The following SMAD6 variants were observed in gnomAD, a reference collection of about 807,000 sequenced individuals.
The protein encoded by SMAD6 is SMAD family member 6, also known as MAD homolog 6.
In SMAD6, 103 loss-of-function variants were observed where a neutral mutation model predicts 39.4. The ratio of observed to expected loss-of-function variants is 2.62; its 90% CI spans 2.23 to 3.08. The LOEUF (loss-of-function observed/expected upper bound fraction) is 3.08. SMAD6 is among the 30% of genes most tolerant of loss of function. SMAD6 has a pLI of 0.00. For missense variants in SMAD6, 1,104 were observed against 742.9 expected (o/e 1.49, Z -5.65); for synonymous variants, 445 against 353.3 (o/e 1.26, Z -2.91).
chr15:66,723,257 A>G (rs1324775399), intron 3 of SMAD6, among the ~76,000 whole-genome samples: 1 of 152,242 alleles, frequency 6.6e-6, no homozygotes, highest in Non-Finnish European at 1.5e-5. Flanking sequence ...TGCAAAGTCC[A>G]GAGAGGGCAA....
intron 3 of SMAD6, among the ~76,000 whole-genome samples, chr15:66,749,557 G>A (rs892009702): frequency 1.4e-4 from 22 of 152,300 alleles, no homozygotes; most frequent in African/African-American, 4.8e-4. Context: ...GTTGGAGGCT[G>A]CAGTGAGACA....
chr15:66,773,210 G>A (rs572299276), intron 3 of SMAD6, among the ~76,000 whole-genome samples: 8 of 152,014 alleles, frequency 5.3e-5, no homozygotes, highest in Non-Finnish European at 1.2e-4. Flanking sequence ...GAGCTGAGGT[G>A]GGGGGTGGGG....
chr15:66,756,240 A>G (rs71398281), intron 3 of SMAD6, among the ~76,000 whole-genome samples: 36,040 of 151,784 alleles, frequency 0.24, 4,336 homozygotes, highest in Middle Eastern at 0.29. Flanking sequence ...GCCCTTTAAA[A>G]AAATTTTTTT....
chr15:66,717,648 C>T (rs889665176), intron 3 of SMAD6: 2 of 357,782 alleles, frequency 5.6e-6, no homozygotes, highest in Middle Eastern at 3.9e-4. Flanking sequence ...TATCCATTCC[C>T]TTCTCACCAA....
At chr15:66,717,476 G>C (rs796133227) in intron 3 of SMAD6, 8 of 452,360 alleles carry the variant, frequency 1.8e-5, no homozygotes, top group African/African-American at 1.4e-4. Context: ...CTTCATCACT[G>C]TTTTGTCCCC....
At position 66,704,037 on chromosome 15, in the gene SMAD6, G is replaced by A. The variant is rs1893051090; in HGVS notation, c.779G>A (p.Cys260Tyr). 1.3e-6 allele frequency: 2 copies of A among 1,512,878 alleles called. No individual in the cohort carries two copies. The highest frequency in any genetic ancestry group is 1.8e-6 in the Non-Finnish European group (2 of 1,139,890). The allele number at this position is 1,512,878 out of a possible 1,614,324, so 93.7% of individuals were successfully genotyped here. Reference sequence around the variant, plus strand: ...GCCGCCGCCGACGGCCCTACCGTGTGCTGCAACCCCTACCACTTCAGCCGG... The same window carrying A: ...GCCGCCGCCGACGGCCCTACCGTGTACTGCAACCCCTACCACTTCAGCCGG... ...FAAAADGPTV[C>Y]CNPYHFSRLC... The change falls in exon 1 of 4, where the codon TGC becomes TAC. Residue 260 changes from cysteine to tyrosine, a missense_variant. Transcript: ENST00000288840.
intron 3 of SMAD6, among the ~76,000 whole-genome samples, chr15:66,726,165 G>A (rs1893517948): frequency 6.6e-6 from 1 of 152,174 alleles, no homozygotes; most frequent in South Asian, 2.1e-4. Context: ...CACTGGGGAG[G>A]AGGAGACACT....
Position 66,750,538 on chromosome 15 carries a change from T to C in SMAD6, c.953-30459T>C, listed in dbSNP as rs180735637. ...TTCCCATCTTTTGAGGGACTTGGAC[T>C]TGGCTATGGTATGATTTATTTGGTG... On this transcript the variant is annotated intron_variant, in intron 3 of 3. Coordinates refer to ENST00000288840, the MANE Select transcript of SMAD6 (RefSeq NM_005585.5). Among the ~76,000 whole-genome samples, 39 of 152,350 alleles carry C rather than the reference T, an allele frequency of 2.6e-4. No individual in the cohort carries two copies. In the East Asian group the frequency reaches 6.9e-3, roughly 27 times the overall value.
intron 3 of SMAD6, among the ~76,000 whole-genome samples, chr15:66,777,096 A>C (rs1201671026): frequency 1.3e-5 from 2 of 149,922 alleles, no homozygotes; most frequent in East Asian, 3.9e-4. Flanking sequence ...CCCTGTTAAA[A>C]ACATGTGTTG....
chr15:66,718,295 A>G (rs1434146615), intron 3 of SMAD6, among the ~76,000 whole-genome samples: 1 of 152,104 alleles, frequency 6.6e-6, no homozygotes, highest in African/African-American at 2.4e-5. Context: ...CCCTCAATCC[A>G]GAGGCTGGGA....
At chr15:66,769,830 A>G (rs772736718) in intron 3 of SMAD6, among the ~76,000 whole-genome samples, 32 of 152,068 alleles carry the variant, frequency 2.1e-4, no homozygotes, top group Non-Finnish European at 4.3e-4. Context: ...GTGCCCAAAG[A>G]AGGGCTTTTT....
At chr15:66,738,405 G>C (rs184577482) in intron 3 of SMAD6, among the ~76,000 whole-genome samples, 1 of 152,212 alleles carries the variant, frequency 6.6e-6, no homozygotes, top group Non-Finnish European at 1.5e-5. Flanking sequence ...GAATCTGTTC[G>C]TGTCACTGTG....
intron 3 of SMAD6, among the ~76,000 whole-genome samples, chr15:66,742,870 G>C (rs1054392830): frequency 1.3e-5 from 2 of 152,134 alleles, no homozygotes; most frequent in African/African-American, 4.8e-5. Flanking sequence ...GGGCTTGGGT[G>C]CTCTTACTGG....
chr15:66,708,693 G>A (rs1362516004), intron 1 of SMAD6: 1 of 470,718 alleles, frequency 2.1e-6, no homozygotes, highest in Non-Finnish European at 4.4e-6. Flanking sequence ...GCCATATATT[G>A]TATGAAATGA....
chr15:66,750,021 C>T lies in SMAD6; in HGVS notation c.953-30976C>T, dbSNP rs568814847. On this transcript the variant is annotated intron_variant, in intron 3 of 3. Coordinates refer to ENST00000288840, the MANE Select transcript of SMAD6 (RefSeq NM_005585.5). ...AATGTGTACACATGGGAAGCACACA[C>T]AGCCCTCACACACGTGTTCTTTCCT... Among the ~76,000 whole-genome samples, 12 of 152,342 alleles carry T rather than the reference C, an allele frequency of 7.9e-5. No homozygotes were observed. The East Asian group carries it at 2.1e-3, about 27-fold the overall frequency.
chr15:66,750,422 C>T (rs1425328195), intron 3 of SMAD6, among the ~76,000 whole-genome samples: 1 of 152,178 alleles, frequency 6.6e-6, no homozygotes, highest in Non-Finnish European at 1.5e-5. Flanking sequence ...ATCCGAATTT[C>T]ATTTTGCTCC....
At position 66,752,897 on chromosome 15, in the gene SMAD6, G is replaced by A. The variant is rs191097534; in HGVS notation, c.953-28100G>A. On this transcript the variant is annotated intron_variant, in intron 3 of 3. Coordinates refer to ENST00000288840, the MANE Select transcript of SMAD6 (RefSeq NM_005585.5). ...GCCTAGGTAAGTGTGGGAAGGCTTC[G>A]CTGAGGAGGTGATGTTTGGCACAGG... is the stretch of plus-strand genomic sequence containing the variant. 2.4e-3 allele frequency among the ~76,000 whole-genome samples: 372 copies of A among 152,304 alleles called. 1 individual carries two copies. Among genetic ancestry groups the A allele is most frequent in the Non-Finnish European group, 4.3e-3 (293 of 68,020 alleles).
intron 3 of SMAD6, among the ~76,000 whole-genome samples, chr15:66,731,245 C>T (rs1275679890): frequency 3.3e-5 from 5 of 151,528 alleles, no homozygotes; most frequent in South Asian, 2.1e-4. Context: ...GAGACCACCC[C>T]GGCTAAAACG....
At chr15:66,763,965 C>A (rs1366135152) in intron 3 of SMAD6, among the ~76,000 whole-genome samples, 1 of 152,246 alleles carries the variant, frequency 6.6e-6, no homozygotes, top group Non-Finnish European at 1.5e-5. Context: ...ACTACCAGAG[C>A]AGGGCTGAGG....
Sources: allele counts gnomAD v4.1 joint callset (sites outside exome capture counted in the v4.1 genomes callset), GRCh38; gene constraint gnomAD v4.1.1; transcripts MANE v1.5; gene names NCBI Gene and HGNC (gene_info 2026-07-23, HGNC 2026-07-21).